DPP6: variants seen among roughly 807,000 people sequenced by gnomAD.
DPP6 encodes dipeptidyl peptidase like 6.
In DPP6, 69 loss-of-function variants were observed where a neutral mutation model predicts 122.6. The ratio of observed to expected loss-of-function variants is 0.56; its 90% CI spans 0.46 to 0.69. The LOEUF (loss-of-function observed/expected upper bound fraction) is 0.69, where lower values mean the gene tolerates loss of function less well. Among genes scored for constraint, DPP6 ranks in the 30% least tolerant of loss-of-function variants. The pLI, the probability that DPP6 is intolerant of heterozygous loss-of-function variation, is 0.00. For synonymous variants in DPP6, 418 were observed against 433.1 expected (o/e 0.97, Z 0.43); for missense variants, 928 against 1,116.9 (o/e 0.83, Z 2.41).
chr7:154,743,220 G>C (rs1641057831), intron 8 of DPP6, among the ~76,000 whole-genome samples: 1 of 152,130 alleles, frequency 6.6e-6, no homozygotes, highest in African/African-American at 2.4e-5. Context: ...CCTTTAGATA[G>C]AGTACTTCCT....
chr7:154,391,418 T>A (rs1431887774), intron 1 of DPP6, among the ~76,000 whole-genome samples: 1 of 152,228 alleles, frequency 6.6e-6, no homozygotes. Flanking sequence ...TAGACTCTCC[T>A]AATCCCCTAC....
intron 1 of DPP6, among the ~76,000 whole-genome samples, chr7:154,244,242 C>A (rs1801829889): frequency 6.6e-6 from 1 of 151,676 alleles, no homozygotes; most frequent in African/African-American, 2.4e-5. Flanking sequence ...TTTTAGAGTG[C>A]CAAAAGAAGA....
chr7:154,424,366 A>G (rs1817721018), intron 1 of DPP6, among the ~76,000 whole-genome samples: 1 of 152,234 alleles, frequency 6.6e-6, no homozygotes, highest in Non-Finnish European at 1.5e-5. Context: ...CAAGTAGCTC[A>G]AATCAAAGTG....
chr7:153,810,602 T>C, the DPP6 span, among the ~76,000 whole-genome samples: 2 of 152,224 alleles, frequency 1.3e-5, no homozygotes, highest in South Asian at 2.1e-4. Context: ...GATATTTTTC[T>C]CAGTTTTTCT....
chr7:154,747,319 T>C (rs149966040), intron 8 of DPP6, among the ~76,000 whole-genome samples: 193 of 152,344 alleles, frequency 1.3e-3, no homozygotes, highest in African/African-American at 4.4e-3. Flanking sequence ...TCTTAGAAGG[T>C]TGCAAACCTG....
rs141332302 is a variant in DPP6 at position 154,225,574 on chromosome 7, GA to G, written c.243+172520del. Among the ~76,000 whole-genome samples, 6 of 151,174 alleles carry G rather than the reference GA, an allele frequency of 4.0e-5. No homozygotes were observed. The East Asian group carries it at 7.8e-4, about 20-fold the overall frequency. ...TCCCTTAATCGAAGAAAAAAAATGAGAAAAAAAAATCTCATTGGTTTGGGAG... is the reference window on the plus strand; with the variant it reads ...TCCCTTAATCGAAGAAAAAAAATGAGAAAAAAAATCTCATTGGTTTGGGAG... On this transcript the variant is annotated intron_variant, in intron 1 of 25. Coordinates refer to ENST00000377770, the MANE Select transcript of DPP6 (RefSeq NM_130797.4).
intron 1 of DPP6, among the ~76,000 whole-genome samples, chr7:154,329,840 A>C (rs1326006474): frequency 6.6e-6 from 1 of 152,244 alleles, no homozygotes; most frequent in African/African-American, 2.4e-5. Context: ...ATGGAATACT[A>C]TGCAGCCATA....
intron 1 of DPP6, among the ~76,000 whole-genome samples, chr7:154,370,675 T>G (rs932119283): frequency 3.9e-5 from 6 of 152,212 alleles, no homozygotes; most frequent in Admixed American, 6.5e-5. Flanking sequence ...TAAAAAAGCA[T>G]TTGAATGTTT....
intron 1 of DPP6, among the ~76,000 whole-genome samples, chr7:154,350,780 T>C (rs1810785271): frequency 6.6e-6 from 1 of 152,200 alleles, no homozygotes; most frequent in Non-Finnish European, 1.5e-5. Context: ...ATAGGGCAGC[T>C]GAACAAGGAG....
the DPP6 span, among the ~76,000 whole-genome samples, chr7:153,782,757 C>T: frequency 6.6e-6 from 1 of 152,124 alleles, no homozygotes; most frequent in African/African-American, 2.4e-5. Flanking sequence ...TGAGTGTTTT[C>T]TCAAGAATGG....
At chr7:153,959,087 G>A (rs1795215082) in intron 1 of DPP6, among the ~76,000 whole-genome samples, 1 of 152,212 alleles carries the variant, frequency 6.6e-6, no homozygotes, top group Non-Finnish European at 1.5e-5. Context: ...GGCAGGCCAA[G>A]AACCTGGCCT....
intron 4 of DPP6, among the ~76,000 whole-genome samples, chr7:154,544,029 T>C (rs1828956502): frequency 6.7e-6 from 1 of 148,518 alleles, no homozygotes; most frequent in Admixed American, 6.7e-5. Flanking sequence ...TCTGTATGTG[T>C]AAACATTTAA....
chr7:154,686,068 G>A (rs1839579599), intron 7 of DPP6, among the ~76,000 whole-genome samples: 1 of 149,286 alleles, frequency 6.7e-6, no homozygotes, highest in South Asian at 2.2e-4. Context: ...TTTAGATAGG[G>A]CTCACAATGT....
At chr7:153,763,815 TTTG>T in the DPP6 span, among the ~76,000 whole-genome samples, 1 of 152,142 alleles carries the variant, frequency 6.6e-6, no homozygotes, top group Non-Finnish European at 1.5e-5. Context: ...AATACATTTG[TTTG>T]TTGTTTTTAT....
At chr7:153,966,073 C>T (rs1442165689) in intron 1 of DPP6, among the ~76,000 whole-genome samples, 30 of 125,904 alleles carry the variant, frequency 2.4e-4, no homozygotes, top group African/African-American at 8.4e-4. Flanking sequence ...ATCATCCTGA[C>T]GTAGTGACAG....
Position 154,367,357 on chromosome 7 carries a change from A to G in DPP6, c.244-78857A>G, listed in dbSNP as rs1812273663. On this transcript the variant is annotated intron_variant, in intron 1 of 25. Transcript: ENST00000377770. ...CCATGTTTTGAGTTAGTGTAATTTC[A>G]AAGTGTACAGTTTACCAAATTTGAA... Among the ~76,000 whole-genome samples, 3 of 152,248 alleles carry G rather than the reference A, an allele frequency of 2.0e-5. No homozygotes were observed. The South Asian group carries it at 6.2e-4, about 32-fold the overall frequency.
intron 1 of DPP6, among the ~76,000 whole-genome samples, chr7:154,192,890 G>A (rs1304624530): frequency 2.0e-5 from 3 of 152,238 alleles, no homozygotes; most frequent in Non-Finnish European, 4.4e-5. Flanking sequence ...GGTGGAACAT[G>A]TCCCTGTTGT....
chr7:153,921,425 T>A (rs1800633326), intron 1 of DPP6, among the ~76,000 whole-genome samples: 1 of 152,234 alleles, frequency 6.6e-6, no homozygotes, highest in Non-Finnish European at 1.5e-5. Flanking sequence ...TAAATGCTGC[T>A]TACAAAATAC....
intron 21 of DPP6, among the ~76,000 whole-genome samples, chr7:154,882,086 C>G (rs569655574): frequency 1.3e-5 from 2 of 152,364 alleles, no homozygotes; most frequent in Admixed American, 1.3e-4. Context: ...ATGGATGCCA[C>G]TCCTGAGGGC....
Sources: allele counts gnomAD v4.1 joint callset (sites outside exome capture counted in the v4.1 genomes callset), GRCh38; gene constraint gnomAD v4.1.1; transcripts MANE v1.5; gene names NCBI Gene and HGNC (gene_info 2026-07-23, HGNC 2026-07-21).